C6: variants seen among roughly 807,000 people sequenced by gnomAD.
C6 encodes the protein complement C6.
Under a neutral mutation model 112.9 loss-of-function variants are expected in C6, and 101 were observed. The ratio of observed to expected loss-of-function variants is 0.89; its 90% CI spans 0.76 to 1.06. The LOEUF is 1.06. Ranked by LOEUF, C6 falls within the 50% of genes least tolerant of loss-of-function variation. The pLI, the probability that C6 is intolerant of heterozygous loss-of-function variation, is 0.00. For missense variants in C6, 1,202 were observed against 1,104.6 expected (o/e 1.09, Z -1.25); for synonymous variants, 431 against 384.1 (o/e 1.12, Z -1.43).
intron 6 of C6, among the ~76,000 whole-genome samples, chr5:41,185,162 T>A (rs1580139061): frequency 6.6e-6 from 1 of 152,302 alleles, no homozygotes; most frequent in South Asian, 2.1e-4. Flanking sequence ...AAGAGCAGTA[T>A]TATCAGTCTT....
intron 14 of C6, among the ~76,000 whole-genome samples, chr5:41,154,355 A>T (rs1262416465): frequency 6.6e-6 from 1 of 152,224 alleles, no homozygotes; most frequent in Admixed American, 6.5e-5. Context: ...ACTGATGCAG[A>T]GTGATGGGCA....
chr5:41,191,029 C>T (rs1413092733), intron 5 of C6, among the ~76,000 whole-genome samples: 1 of 138,922 alleles, frequency 7.2e-6, no homozygotes, highest in Non-Finnish European at 1.5e-5. Flanking sequence ...ACACATGTAA[C>T]ATGTATATTT....
chr5:41,203,219 G>A lies in C6; in HGVS notation c.12C>T (p.Arg4=). 2 of 1,614,148 alleles carry A rather than the reference G, an allele frequency of 1.2e-6. No homozygotes were observed. The highest frequency in any genetic ancestry group is 1.7e-6 in the Non-Finnish European group (2 of 1,179,974). Residue 4 remains arginine (R), a synonymous_variant, in exon 2 of 18, where the codon CGC becomes CGT. Transcript: ENST00000337836. MAR[R]SVLYFILLNA... is the part of the protein sequence containing the mutation. Reference sequence around the variant, plus strand: ...TCAGCAGGATGAAGTACAAGACAGAGCGTCTGGCCATGCCTTGAGAGCCTC... The same window carrying A: ...TCAGCAGGATGAAGTACAAGACAGAACGTCTGGCCATGCCTTGAGAGCCTC...
chr5:41,242,291 T>G (rs1740766352), intron 1 of C6, among the ~76,000 whole-genome samples: 1 of 152,132 alleles, frequency 6.6e-6, no homozygotes, highest in Admixed American at 6.5e-5. Context: ...TCACGAGATC[T>G]GATCATCTTA....
Position 41,160,364 on chromosome 5 carries a change from C to T in C6, c.1462G>A (p.Ala488Thr). 1 of 1,612,972 alleles carries T rather than the reference C, an allele frequency of 6.2e-7. No homozygotes were observed. The highest frequency in any genetic ancestry group is 8.5e-7 in the Non-Finnish European group (1 of 1,179,118). ...ENPAVIDFEL[A>T]PIVDLVRNIP... ...TTTCTTACCAAGTCCACGATGGGGG[C>T]AAGCTAGGAGAAAATGGGAGAGAGG... The change falls in exon 11 of 18, where the codon GCC becomes ACC. Residue 488 changes from alanine (A) to threonine (T), a missense_variant. Coordinates refer to ENST00000337836, the MANE Select transcript of C6 (RefSeq NM_000065.5).
chr5:41,254,355 G>A (rs924226085), intron 1 of C6, among the ~76,000 whole-genome samples: 19 of 152,200 alleles, frequency 1.2e-4, no homozygotes, highest in East Asian at 3.9e-4. Flanking sequence ...GCAGTGAGCC[G>A]AGACTGCACC....
chr5:41,181,875 C>G (rs996252004), intron 6 of C6, among the ~76,000 whole-genome samples: 2 of 152,198 alleles, frequency 1.3e-5, no homozygotes, highest in African/African-American at 2.4e-5. Context: ...TGAGACTTAA[C>G]AGGGTGATAA....
At chr5:41,189,190 G>A (rs1750007266) in intron 5 of C6, among the ~76,000 whole-genome samples, 1 of 151,918 alleles carries the variant, frequency 6.6e-6, no homozygotes, top group South Asian at 2.1e-4. Context: ...AATGAAAAAT[G>A]GTGCAGCTGT....
At chr5:41,249,529 G>T (rs1580256688) in intron 1 of C6, among the ~76,000 whole-genome samples, 1 of 152,164 alleles carries the variant, frequency 6.6e-6, no homozygotes, top group South Asian at 2.1e-4. Flanking sequence ...CCACAGAGGA[G>T]ATTTTCTTTC....
chr5:41,226,902 A>G (rs1246480241), intron 1 of C6, among the ~76,000 whole-genome samples: 11 of 152,144 alleles, frequency 7.2e-5, no homozygotes, highest in Admixed American at 2.0e-4. Flanking sequence ...ATTGTAAATA[A>G]TGCCACAGTG....
Position 41,142,747 on chromosome 5 carries a change from G to T in C6, c.*78C>A. On this transcript the variant is annotated 3_prime_UTR_variant, in exon 18 of 18. Coordinates refer to ENST00000337836, the MANE Select transcript of C6 (RefSeq NM_000065.5). ...TTGAGCATGCCAGTCTGCTGTTTGT[G>T]CAAGAATTCTCATTTGTAGGAGTTG... The T allele has an allele frequency of 1.8e-6, 2 of 1,141,048 alleles. No homozygotes were observed. Among genetic ancestry groups the T allele is most frequent in the Non-Finnish European group, 2.7e-6 (2 of 750,892 alleles). 70.7% of individuals were successfully genotyped at this position (1,141,048 alleles called of 1,614,324 possible).
chr5:41,143,311 C>T (rs1018106813), intron 17 of C6, among the ~76,000 whole-genome samples: 2 of 152,098 alleles, frequency 1.3e-5, no homozygotes, highest in Non-Finnish European at 2.9e-5. Context: ...CTATTTCTGG[C>T]ACTTCCCCCG....
At chr5:41,155,543 C>A (rs1380039821) in intron 13 of C6, among the ~76,000 whole-genome samples, 1 of 151,934 alleles carries the variant, frequency 6.6e-6, no homozygotes, top group Non-Finnish European at 1.5e-5. Flanking sequence ...AAAAAAGTAG[C>A]CAGACAGTAT....
chr5:41,147,978 A>T (rs1364562486), intron 17 of C6, among the ~76,000 whole-genome samples: 1 of 152,222 alleles, frequency 6.6e-6, no homozygotes, highest in Non-Finnish European at 1.5e-5. Context: ...GAGTGTGGGA[A>T]AGCAGTCTTT....
At chr5:41,194,800 AAC>A (rs1168395883) in intron 5 of C6, among the ~76,000 whole-genome samples, 1 of 152,140 alleles carries the variant, frequency 6.6e-6, no homozygotes, top group Admixed American at 6.5e-5. Context: ...CATCATCTAA[AAC>A]ACAGGTTCAG....
At chr5:41,150,791 G>A (rs1746314781) in intron 15 of C6, among the ~76,000 whole-genome samples, 1 of 151,886 alleles carries the variant, frequency 6.6e-6, no homozygotes, top group African/African-American at 2.4e-5. Context: ...GGAGGCTGAG[G>A]CAAAAGAGTC....
intron 9 of C6, among the ~76,000 whole-genome samples, chr5:41,171,883 T>A (rs1748450953): frequency 6.6e-6 from 1 of 152,186 alleles, no homozygotes; most frequent in Admixed American, 6.6e-5. Flanking sequence ...TGTCAGTCTG[T>A]ATTTTTAATG....
intron 5 of C6, among the ~76,000 whole-genome samples, chr5:41,193,464 C>T (rs1750371457): frequency 6.6e-6 from 1 of 152,162 alleles, no homozygotes; most frequent in African/African-American, 2.4e-5. Context: ...ATTTATGTGT[C>T]ATACTTTGTA....
intron 6 of C6, among the ~76,000 whole-genome samples, chr5:41,184,800 G>T (rs1749643686): frequency 1.3e-5 from 2 of 151,996 alleles, no homozygotes; most frequent in African/African-American, 2.4e-5. Flanking sequence ...TTAGTAATGT[G>T]GATGTAAACA....
Sources: gnomAD v4.1 joint callset for allele counts (sites outside exome capture counted in the v4.1 genomes callset) on GRCh38, gnomAD v4.1.1 for gene constraint, MANE v1.5 for transcripts, NCBI Gene and HGNC (gene_info 2026-07-23, HGNC 2026-07-21) for gene names.